The following HOGA1 variants were observed in gnomAD, a reference collection of about 807,000 sequenced individuals.
HOGA1 encodes the protein 4-hydroxy-2-oxoglutarate aldolase, mitochondrial.
Under a neutral mutation model 34.3 loss-of-function variants are expected in HOGA1, and 30 were observed. The observed-to-expected ratio is 0.87, with a 90% CI of 0.65 to 1.19. HOGA1 has a LOEUF of 1.19. Ranked by LOEUF, HOGA1 falls within the 50% of genes most tolerant of loss-of-function variation. The pLI, the probability that HOGA1 is intolerant of heterozygous loss-of-function variation, is 0.00. For missense variants in HOGA1, 417 were observed against 436.5 expected, an observed-to-expected ratio of 0.96 and a Z score of 0.40; for synonymous variants, 161 against 174.0, an observed-to-expected ratio of 0.93 and a Z score of 0.59.
chr10:97,605,994 C>T (rs573689114), intron 6 of HOGA1, among the ~76,000 whole-genome samples: 2 of 151,988 alleles, frequency 1.3e-5, no homozygotes, highest in East Asian at 1.9e-4. Context: ...TCTAATAACT[C>T]TTAAAGAGTT....
At chr10:97,610,081 A>T (rs570508530) in intron 6 of HOGA1, among the ~76,000 whole-genome samples, 1 of 152,340 alleles carries the variant, frequency 6.6e-6, no homozygotes, top group Non-Finnish European at 1.5e-5. Flanking sequence ...AGATTCATCT[A>T]ATATTTCTGA....
At chr10:97,591,620 GT>G (rs2041023549) in intron 1 of HOGA1, among the ~76,000 whole-genome samples, 1 of 150,614 alleles carries the variant, frequency 6.6e-6, no homozygotes, top group Non-Finnish European at 1.5e-5. Flanking sequence ...TTTTTTTCTT[GT>G]TTTTTATGTA....
At chr10:97,588,195 C>CTTTTTTTTT (rs1164946936) in intron 1 of HOGA1, among the ~76,000 whole-genome samples, 3 of 131,346 alleles carry the variant, frequency 2.3e-5, no homozygotes, top group Non-Finnish European at 5.0e-5. Context: ...TTTGTTTTTT[C>CTTTTTTTTT]TTTCTTTTTT....
intron 6 of HOGA1, among the ~76,000 whole-genome samples, chr10:97,604,040 C>T (rs961527918): frequency 2.0e-5 from 3 of 152,196 alleles, no homozygotes; most frequent in Non-Finnish European, 4.4e-5. Context: ...TCTGTCCCTA[C>T]AAGGATCCCT....
chr10:97,598,398 G>A (rs1206784602), intron 1 of HOGA1, among the ~76,000 whole-genome samples: 1 of 152,230 alleles, frequency 6.6e-6, no homozygotes, highest in East Asian at 1.9e-4. Context: ...TCAGGGCTAC[G>A]TGTGCTTTTA....
chr10:97,587,639 C>T (rs1231631445), intron 1 of HOGA1, among the ~76,000 whole-genome samples: 1 of 152,102 alleles, frequency 6.6e-6, no homozygotes, highest in East Asian at 1.9e-4. Flanking sequence ...TCCTGAGTAG[C>T]TGGGATTACA....
intron 1 of HOGA1, among the ~76,000 whole-genome samples, chr10:97,588,358 C>T (rs532183471): frequency 1.8e-4 from 26 of 143,682 alleles, no homozygotes; most frequent in Non-Finnish European, 3.0e-4. Flanking sequence ...CCACCATGCA[C>T]GGCTAATTTT....
At chr10:97,585,312 T>G (rs184754458) in intron 1 of HOGA1, among the ~76,000 whole-genome samples, 1 of 152,150 alleles carries the variant, frequency 6.6e-6, no homozygotes, top group African/African-American at 2.4e-5. Flanking sequence ...CTCCAAAGTT[T>G]GTTTGTACAT....
At chr10:97,587,246 C>A (rs539335822) in intron 1 of HOGA1, among the ~76,000 whole-genome samples, 1 of 152,080 alleles carries the variant, frequency 6.6e-6, no homozygotes, top group Non-Finnish European at 1.5e-5. Flanking sequence ...GAGGAGGGAA[C>A]GTATCACATT....
intron 6 of HOGA1, among the ~76,000 whole-genome samples, chr10:97,608,864 C>T (rs562912687): frequency 9.2e-5 from 14 of 152,164 alleles, no homozygotes; most frequent in African/African-American, 3.4e-4. Context: ...TTGGCCTCCC[C>T]TTAAGTTTTG....
intron 1 of HOGA1, among the ~76,000 whole-genome samples, chr10:97,585,275 TGGCAGC>T (rs2040959793): frequency 1.3e-5 from 2 of 152,174 alleles, no homozygotes; most frequent in Admixed American, 6.5e-5. Context: ...TGGGGTCACG[TGGCAGC>T]CCAGCCACAG....
intron 6 of HOGA1, among the ~76,000 whole-genome samples, chr10:97,606,883 T>A (rs1029257898): frequency 2.0e-5 from 3 of 152,192 alleles, no homozygotes; most frequent in African/African-American, 7.2e-5. Flanking sequence ...TTGAACATGG[T>A]ACATTTCTCT....
At chr10:97,592,458 T>C (rs2041034193) in intron 1 of HOGA1, among the ~76,000 whole-genome samples, 1 of 151,876 alleles carries the variant, frequency 6.6e-6, no homozygotes. Context: ...GCCAGGATGT[T>C]CTCCATCTCC....
intron 6 of HOGA1, chr10:97,602,689 CCTTCTTTCTTTT>C: frequency 1.3e-6 from 1 of 756,032 alleles, no homozygotes; most frequent in Non-Finnish European, 1.6e-6. Flanking sequence ...TTCTTTCTTT[CCTTCTTTCTTTT>C]TTTAGACAGA....
At chr10:97,597,190 C>T (rs2135720294) in intron 1 of HOGA1, among the ~76,000 whole-genome samples, 1 of 151,678 alleles carries the variant, frequency 6.6e-6, no homozygotes, top group South Asian at 2.1e-4. Context: ...ACTGCAGCTT[C>T]AAATGCACCT....
intron 5 of HOGA1, chr10:97,600,412 G>A (rs2041107335): frequency 1.8e-6 from 1 of 568,136 alleles, no homozygotes; most frequent in East Asian, 3.1e-5. Context: ...GATGCCTGCA[G>A]TTTGTTCTGA....
intron 1 of HOGA1, among the ~76,000 whole-genome samples, chr10:97,585,424 A>C (rs979815043): frequency 6.6e-6 from 1 of 152,106 alleles, no homozygotes; most frequent in Non-Finnish European, 1.5e-5. Context: ...CTCTTTACAC[A>C]TGGGTCTCCC....
chr10:97,590,432 C>T, intron 1 of HOGA1: 1 of 1,614,078 alleles, frequency 6.2e-7, no homozygotes, highest in Non-Finnish European at 8.5e-7. Flanking sequence ...GATGAAGCTG[C>T]AAAAGAATTT....
chr10:97,611,417 G>A, intron 6 of HOGA1, 93 bp from the exon 7 acceptor site: 4 of 1,418,816 alleles, frequency 2.8e-6, no homozygotes, highest in Non-Finnish European at 3.0e-6. Flanking sequence ...AAGAGGGTAG[G>A]ACTTCAATGT....
Sources: allele counts gnomAD v4.1 joint callset (sites outside exome capture counted in the v4.1 genomes callset), GRCh38; gene constraint gnomAD v4.1.1; transcripts MANE v1.5; gene names NCBI Gene and HGNC (gene_info 2026-07-23, HGNC 2026-07-21).